Variants in OCIAD1 observed in about 807,000 individuals in gnomAD.
OCIAD1 encodes OCIA domain-containing protein 1.
A neutral mutation model predicts 38.9 loss-of-function variants in OCIAD1; 29 were observed. The ratio of observed to expected loss-of-function variants is 0.74; its 90% CI spans 0.55 to 1.02. OCIAD1 has a LOEUF of 1.02. OCIAD1 is among the 50% of genes least tolerant of loss of function. The pLI is 0.00. For synonymous variants in OCIAD1, 110 were observed against 92.0 expected (o/e 1.20, Z -1.12); for missense variants, 288 against 289.6 (o/e 0.99, Z 0.04).
At chr4:48,827,772 G>A (rs1004685581), upstream of OCIAD1, among the ~76,000 whole-genome samples, 15 of 152,254 alleles carry the variant, frequency 9.9e-5, no homozygotes, top group African/African-American at 3.4e-4. Flanking sequence ...TTGCAGGCAC[G>A]TGGCGTGGGA....
chr4:48,841,916 AC>A (rs1778570050), intron 3 of OCIAD1, among the ~76,000 whole-genome samples: 1 of 152,218 alleles, frequency 6.6e-6, no homozygotes, highest in South Asian at 2.1e-4. Context: ...AGAAGAAAGA[AC>A]ATAAGTGTTT....
chr4:48,808,338 C>A (rs904473535), intron 1 of OCIAD1, among the ~76,000 whole-genome samples: 1 of 152,098 alleles, frequency 6.6e-6, no homozygotes, highest in African/African-American at 2.4e-5. Flanking sequence ...GGTGTGGTGG[C>A]ATGCATCTGT....
At chr4:48,852,882 GTTT>G (rs1439653723) in intron 7 of OCIAD1, among the ~76,000 whole-genome samples, 1 of 126,336 alleles carries the variant, frequency 7.9e-6, no homozygotes, top group African/African-American at 3.2e-5. Context: ...TTTGTTTTTT[GTTT>G]TTTTTTTTTT....
rs138265241 is a variant in OCIAD1 at position 48,851,807 on chromosome 4, C to G, written c.379C>G (p.His127Asp). ...CTACAATATGATTTTCATTTACAGG[C>G]ACTATTATCAAAAGTCAAAATATGA... ...GQARRSSPPG[H>D]YYQKSKYDSS... Residue 127 changes from histidine (H) to aspartate (D), a missense_variant and splice_region_variant, in exon 7 of 9, where the codon CAC (histidine) becomes GAC (aspartate). Physicochemically the swap from His to Asp is moderately conservative, Grantham distance 81. Transcript: ENST00000264312. 126 of 1,574,212 alleles carry G rather than the reference C, an allele frequency of 8.0e-5. No individual in the cohort carries two copies. The African/African-American group carries it at 1.6e-3, about 20-fold the overall frequency.
intron 1 of OCIAD1, among the ~76,000 whole-genome samples, chr4:48,823,532 C>G (rs138686728): frequency 1.5e-3 from 221 of 151,618 alleles, no homozygotes; most frequent in Non-Finnish European, 2.6e-3. Flanking sequence ...TGCAGGTTCT[C>G]CACATGTACC....
At chr4:48,845,918 ATC>A (rs1364720483) in intron 4 of OCIAD1, among the ~76,000 whole-genome samples, 2 of 152,234 alleles carry the variant, frequency 1.3e-5, no homozygotes, top group Non-Finnish European at 2.9e-5. Flanking sequence ...CCTTCAACAA[ATC>A]TGTTTGTTTC....
At chr4:48,855,815 CAAA>C (rs752582945) in intron 7 of OCIAD1, among the ~76,000 whole-genome samples, 6 of 83,526 alleles carry the variant, frequency 7.2e-5, no homozygotes, top group Admixed American at 2.7e-4. Flanking sequence ...GACTCTGTCT[CAAA>C]AAAAAAAAAA....
At chr4:48,823,824 C>CTGTTTT (rs1777221213) in intron 1 of OCIAD1, among the ~76,000 whole-genome samples, 1 of 70,128 alleles carries the variant, frequency 1.4e-5, no homozygotes, top group African/African-American at 5.9e-5. Context: ...CAATGCCTGG[C>CTGTTTT]TTTTTTTTTT....
At chr4:48,855,173 T>C (rs1779913524) in intron 7 of OCIAD1, among the ~76,000 whole-genome samples, 3 of 152,168 alleles carry the variant, frequency 2.0e-5, no homozygotes, top group South Asian at 4.1e-4. Context: ...ATTTCGCAAT[T>C]GAGAAAACCA....
At chr4:48,825,376 A>T (rs980588884) in intron 1 of OCIAD1, among the ~76,000 whole-genome samples, 2 of 152,204 alleles carry the variant, frequency 1.3e-5, no homozygotes, top group African/African-American at 4.8e-5. Context: ...ATATCTAGGT[A>T]TGCATCCAGG....
chr4:48,848,966 TAAAAA>T (rs1239697713), intron 5 of OCIAD1, among the ~76,000 whole-genome samples: 1 of 151,924 alleles, frequency 6.6e-6, no homozygotes, highest in Non-Finnish European at 1.5e-5. Flanking sequence ...TATGCAGCCA[TAAAAA>T]AGGATGAGTT....
upstream of OCIAD1, among the ~76,000 whole-genome samples, chr4:48,829,259 TAA>T (rs1203075134): frequency 6.9e-6 from 1 of 145,326 alleles, no homozygotes; most frequent in Non-Finnish European, 1.5e-5. Context: ...GGCCCTGTCC[TAA>T]AAAAAAAAAC....
intron 3 of OCIAD1, among the ~76,000 whole-genome samples, chr4:48,834,956 C>T (rs570403073): frequency 2.4e-4 from 36 of 152,288 alleles, no homozygotes; most frequent in East Asian, 1.2e-3. Flanking sequence ...GTTTTTGAGA[C>T]GGAGTCTCAC....
intron 1 of OCIAD1, among the ~76,000 whole-genome samples, chr4:48,814,719 C>T (rs1464536278): frequency 6.6e-6 from 1 of 152,056 alleles, no homozygotes; most frequent in Admixed American, 6.6e-5. Context: ...TTCCAAACTC[C>T]TTTCTAGTAC....
intron 5 of OCIAD1, 199 bp downstream of exon 5, chr4:48,848,645 A>C (rs1245206210): frequency 2.6e-6 from 1 of 383,344 alleles, no homozygotes. Context: ...TGAAATAGGC[A>C]TTTTTTTGTG....
Position 48,842,701 on chromosome 4 carries a change from A to G in OCIAD1, c.193+12A>G. 7.0e-7 allele frequency: 1 copy of G among 1,432,200 alleles called. No individual in the cohort carries two copies. The highest frequency in any genetic ancestry group is 9.6e-7 in the Non-Finnish European group (1 of 1,046,122). 88.7% of individuals were successfully genotyped at this position (1,432,200 alleles called of 1,614,324 possible). A position where few individuals can be genotyped will look rare whatever the true frequency, so the allele number is the denominator to read the frequency against. On this transcript the variant is annotated intron_variant, in intron 4 of 8. Coordinates refer to ENST00000264312, the MANE Select transcript of OCIAD1 (RefSeq NM_017830.4). ...ATTAATTAGTAAAGGTAAATATTTA[A>G]AATTTGAATTTATTTAGCATTTTGG... is the stretch of plus-strand genomic sequence containing the variant.
chr4:48,831,167 GC>G lies in OCIAD1; in HGVS notation c.-83del. 1 of 312,618 alleles carries G rather than the reference GC, an allele frequency of 3.2e-6. No homozygotes were observed. The highest frequency in any genetic ancestry group is 2.5e-5 in the South Asian group (1 of 39,564). 19.4% of individuals were successfully genotyped at this position (312,618 alleles called of 1,614,324 possible). On this transcript the variant is annotated 5_prime_UTR_variant, in exon 1 of 9. An upstream open reading frame in the 5' UTR loses its in-frame stop. Transcript: ENST00000264312. ...GTACCTTGCACTTTTCTCCCTCCCT[GC>G]CCCCTCTCGAGTCCACCCTCCGGGC... is the stretch of plus-strand genomic sequence containing the variant.
intron 4 of OCIAD1, among the ~76,000 whole-genome samples, chr4:48,846,416 T>G (rs1392174308): frequency 6.6e-6 from 1 of 152,212 alleles, no homozygotes; most frequent in African/African-American, 2.4e-5. Flanking sequence ...GAGAATTGGT[T>G]GTTAAATTTT....
chr4:48,840,041 C>G, intron 3 of OCIAD1, among the ~76,000 whole-genome samples: 1 of 152,198 alleles, frequency 6.6e-6, no homozygotes, highest in East Asian at 1.9e-4. Flanking sequence ...AAGCCTCTTT[C>G]AGTCTTACCA....
Sources: gnomAD v4.1 joint callset for allele counts (sites outside exome capture counted in the v4.1 genomes callset) on GRCh38, gnomAD v4.1.1 for gene constraint, MANE v1.5 for transcripts, NCBI Gene and HGNC (gene_info 2026-07-23, HGNC 2026-07-21) for gene names.